Variants in IL1RAPL2 observed in about 807,000 individuals in gnomAD.
The protein encoded by IL1RAPL2 is X-linked interleukin-1 receptor accessory protein-like 2.
Under a neutral mutation model 44.1 loss-of-function variants are expected in IL1RAPL2, and 3 were observed. The observed-to-expected ratio is 0.07, with a 90% CI of 0.03 to 0.18. The LOEUF (loss-of-function observed/expected upper bound fraction) is 0.18. Among genes scored for constraint, IL1RAPL2 ranks in the 10% least tolerant of loss-of-function variants. IL1RAPL2 has a pLI of 1.00. For synonymous variants in IL1RAPL2, 181 were observed against 178.8 expected, an observed-to-expected ratio of 1.01 and a Z score of -0.10; for missense variants, 391 against 496.4, an observed-to-expected ratio of 0.79 and a Z score of 2.02.
chrX:104,603,681 G>A (rs778849638), intron 1 of IL1RAPL2, among the ~76,000 whole-genome samples: 11 of 111,479 alleles, frequency 9.9e-5, no homozygotes, highest in Non-Finnish European at 1.3e-4. Flanking sequence ...TAGCTGATTC[G>A]ATCAAGCGGA....
intron 6 of IL1RAPL2, among the ~76,000 whole-genome samples, chrX:105,646,743 C>A (rs2037608756): frequency 8.9e-6 from 1 of 112,133 alleles, no homozygotes; most frequent in Non-Finnish European, 1.9e-5. Flanking sequence ...CCTCTCAGTT[C>A]TCTTACTGTG....
intron 2 of IL1RAPL2, among the ~76,000 whole-genome samples, chrX:104,700,777 A>G (rs1185653730): frequency 9.0e-6 from 1 of 111,447 alleles, no homozygotes; most frequent in Non-Finnish European, 1.9e-5. Context: ...GGATATGGGC[A>G]GTTGACAGGT....
intron 2 of IL1RAPL2, among the ~76,000 whole-genome samples, chrX:104,860,206 G>T (rs960291344): frequency 1.8e-5 from 2 of 111,855 alleles, no homozygotes; most frequent in African/African-American, 6.5e-5. Context: ...AATAAAGGCA[G>T]TCTTTGTCCT....
At chrX:105,595,960 C>T (rs980523440) in intron 6 of IL1RAPL2, among the ~76,000 whole-genome samples, 2 of 111,184 alleles carry the variant, frequency 1.8e-5, no homozygotes, top group South Asian at 7.4e-4. Context: ...ATAGTCTTTC[C>T]GATCCTTTTT....
intron 2 of IL1RAPL2, among the ~76,000 whole-genome samples, chrX:104,810,054 C>T (rs1284341994): frequency 9.1e-6 from 1 of 110,432 alleles, no homozygotes; most frequent in Non-Finnish European, 1.9e-5. Context: ...GAAAATGTGG[C>T]ATATATACAC....
intron 1 of IL1RAPL2, among the ~76,000 whole-genome samples, chrX:104,634,741 T>C (rs1205721688): frequency 8.9e-6 from 1 of 111,965 alleles, no homozygotes; most frequent in Non-Finnish European, 1.9e-5. Context: ...TGTGTGTCTC[T>C]GCACATGAGA....
intron 2 of IL1RAPL2, among the ~76,000 whole-genome samples, chrX:105,062,003 G>C (rs888952116): frequency 2.7e-5 from 3 of 111,535 alleles, no homozygotes; most frequent in African/African-American, 9.8e-5. Flanking sequence ...TTTGATTGGA[G>C]AGTTTAGTCT....
At chrX:104,836,308 TA>T (rs894239581) in intron 2 of IL1RAPL2, among the ~76,000 whole-genome samples, 11 of 107,523 alleles carry the variant, frequency 1.0e-4, no homozygotes, top group Non-Finnish European at 1.9e-4. Context: ...GTTTAATGGG[TA>T]AAAAAAAACC....
chrX:104,581,896 C>T (rs1928354331), intron 1 of IL1RAPL2, among the ~76,000 whole-genome samples: 1 of 110,787 alleles, frequency 9.0e-6, no homozygotes, highest in Non-Finnish European at 1.9e-5. Context: ...AAAAGTTCAT[C>T]ATGAATTCTC....
intron 1 of IL1RAPL2, among the ~76,000 whole-genome samples, chrX:104,630,014 C>T (rs1004333271): frequency 9.0e-6 from 1 of 111,318 alleles, no homozygotes; most frequent in African/African-American, 3.3e-5. Context: ...GATGGAATCT[C>T]GCTCTGTCAC....
At chrX:105,321,582 T>C (rs991694668) in intron 5 of IL1RAPL2, among the ~76,000 whole-genome samples, 1 of 112,261 alleles carries the variant, frequency 8.9e-6, no homozygotes, top group African/African-American at 3.2e-5. Flanking sequence ...CCTGTGAAGC[T>C]GACGCTGTCC....
chrX:105,052,201 G>T (rs975941319), intron 2 of IL1RAPL2, among the ~76,000 whole-genome samples: 42 of 111,727 alleles, frequency 3.8e-4, no homozygotes, highest in African/African-American at 1.2e-3. Context: ...TGGTCAAAGA[G>T]GCCTTCCTCT....
chrX:105,072,901 T>G (rs973568720), intron 2 of IL1RAPL2, among the ~76,000 whole-genome samples: 1 of 109,988 alleles, frequency 9.1e-6, no homozygotes, highest in African/African-American at 3.3e-5. Flanking sequence ...TGAGAACATG[T>G]GATGTTTGGT....
At chrX:105,496,873 G>T (rs142032631) in intron 6 of IL1RAPL2, among the ~76,000 whole-genome samples, 2,020 of 111,664 alleles carry the variant, frequency 0.018, 50 homozygotes, top group African/African-American at 0.063. Context: ...TCCTTTCTCA[G>T]TCAAGTGGTT....
chrX:105,583,753 C>A (rs1241008205), intron 6 of IL1RAPL2, among the ~76,000 whole-genome samples: 8 of 111,377 alleles, frequency 7.2e-5, no homozygotes, highest in African/African-American at 2.3e-4. Flanking sequence ...TTTATTTCTG[C>A]TCTTTATTCT....
chrX:105,250,302 G>A (rs765959615), intron 4 of IL1RAPL2, among the ~76,000 whole-genome samples: 9 of 111,270 alleles, frequency 8.1e-5, no homozygotes, highest in African/African-American at 2.6e-4. Flanking sequence ...ATGCTGTAAT[G>A]ATGGATGTAT....
At chrX:105,603,555 AAG>A (rs2037270181) in intron 6 of IL1RAPL2, among the ~76,000 whole-genome samples, 1 of 111,608 alleles carries the variant, frequency 9.0e-6, no homozygotes, top group Non-Finnish European at 1.9e-5. Context: ...ATTAGATATA[AAG>A]AGAGAGGCAG....
chrX:105,527,850 C>T (rs1262299215), intron 6 of IL1RAPL2, among the ~76,000 whole-genome samples: 2 of 111,227 alleles, frequency 1.8e-5, no homozygotes, highest in African/African-American at 6.5e-5. Flanking sequence ...TTCTACAAGC[C>T]TCCCTTTGCC....
At chrX:104,630,982 T>C (rs1929633798) in intron 1 of IL1RAPL2, among the ~76,000 whole-genome samples, 1 of 110,656 alleles carries the variant, frequency 9.0e-6, no homozygotes, top group African/African-American at 3.3e-5. Context: ...AATGCTATCC[T>C]ACCCCCCTCC....
Sources: allele counts gnomAD v4.1 joint callset (sites outside exome capture counted in the v4.1 genomes callset), GRCh38; gene constraint gnomAD v4.1.1; transcripts MANE v1.5; gene names NCBI Gene and HGNC (gene_info 2026-07-23, HGNC 2026-07-21).